NOVA1: variants seen among roughly 807,000 people sequenced by gnomAD.
NOVA1 encodes the protein NOVA alternative splicing regulator 1.
In NOVA1, 7 loss-of-function variants were observed where a neutral mutation model predicts 38.0. The ratio of observed to expected loss-of-function variants is 0.18; its 90% CI spans 0.10 to 0.35. The LOEUF (loss-of-function observed/expected upper bound fraction) is 0.35, where lower values mean the gene tolerates loss of function less well. NOVA1 is among the 10% of genes least tolerant of loss of function. The pLI, the probability that NOVA1 is intolerant of heterozygous loss-of-function variation, is 1.00. For missense variants in NOVA1, 460 were observed against 616.0 expected, an observed-to-expected ratio of 0.75 and a Z score of 2.68; for synonymous variants, 270 against 232.5, an observed-to-expected ratio of 1.16 and a Z score of -1.47.
intron 2 of NOVA1, among the ~76,000 whole-genome samples, chr14:26,507,968 A>T (rs78901848): frequency 6.6e-6 from 1 of 152,112 alleles, no homozygotes; most frequent in Admixed American, 6.5e-5. Context: ...CATAAGAGTT[A>T]TATCAATAGA....
chr14:26,502,606 G>GAAA (rs35977485), intron 2 of NOVA1, among the ~76,000 whole-genome samples: 16 of 126,572 alleles, frequency 1.3e-4, no homozygotes, highest in Non-Finnish European at 2.4e-4. Context: ...CATGTTTCCA[G>GAAA]AAAAAAAAAA....
intron 2 of NOVA1, among the ~76,000 whole-genome samples, chr14:26,481,346 T>C (rs8009255): frequency 0.2 from 30,936 of 152,006 alleles, 3,364 homozygotes; most frequent in East Asian, 0.33. Flanking sequence ...AAGGACAAAT[T>C]TGTGAAACTA....
At chr14:26,532,315 A>C (rs1889773186) in intron 2 of NOVA1, among the ~76,000 whole-genome samples, 1 of 152,258 alleles carries the variant, frequency 6.6e-6, no homozygotes, top group East Asian at 1.9e-4. Context: ...TAAACTGTGT[A>C]TACACACACC....
chr14:26,587,118 C>G (rs12587726), intron 2 of NOVA1, among the ~76,000 whole-genome samples: 87,140 of 150,286 alleles, frequency 0.58, 30,412 homozygotes, highest in Non-Finnish European at 0.75. Context: ...AGAAACCTTA[C>G]GTAAATCACT....
intron 4 of NOVA1, among the ~76,000 whole-genome samples, chr14:26,470,752 A>G (rs1408709592): frequency 6.6e-6 from 1 of 152,082 alleles, no homozygotes; most frequent in Non-Finnish European, 1.5e-5. Context: ...TTTAGCTTCA[A>G]AGGCAAAATT....
At chr14:26,499,057 C>T (rs561142981) in intron 2 of NOVA1, among the ~76,000 whole-genome samples, 3 of 152,050 alleles carry the variant, frequency 2.0e-5, no homozygotes, top group African/African-American at 7.2e-5. Context: ...TACATGAGGG[C>T]AAATGATACA....
intron 2 of NOVA1, among the ~76,000 whole-genome samples, chr14:26,534,666 C>T (rs1202856852): frequency 3.3e-5 from 5 of 152,104 alleles, no homozygotes; most frequent in Admixed American, 3.3e-4. Context: ...ACATAATACA[C>T]ACACCCTAAT....
intron 4 of NOVA1, among the ~76,000 whole-genome samples, chr14:26,458,710 G>C (rs920775489): frequency 6.6e-6 from 1 of 151,872 alleles, no homozygotes; most frequent in Non-Finnish European, 1.5e-5. Flanking sequence ...ACTACCTATC[G>C]GGCACTATGC....
At chr14:26,501,387 C>A (rs178194) in intron 2 of NOVA1, among the ~76,000 whole-genome samples, 145,658 of 151,940 alleles carry the variant, frequency 0.96, 70,111 homozygotes, top group East Asian at 1. Flanking sequence ...ATTCGACTGC[C>A]TATGAACACA....
At chr14:26,563,680 G>C (rs1220275654) in intron 2 of NOVA1, among the ~76,000 whole-genome samples, 2 of 151,976 alleles carry the variant, frequency 1.3e-5, no homozygotes, top group African/African-American at 4.8e-5. Flanking sequence ...AACTATGCAA[G>C]CTTCTATGAC....
intron 2 of NOVA1, among the ~76,000 whole-genome samples, chr14:26,482,087 G>A (rs57531288): frequency 6.8e-6 from 1 of 148,144 alleles, no homozygotes; most frequent in Non-Finnish European, 1.5e-5. Context: ...AACCATGTCA[G>A]ACCACACAGT....
chr14:26,503,781 T>A (rs61986470), intron 2 of NOVA1, among the ~76,000 whole-genome samples: 6,363 of 152,094 alleles, frequency 0.042, 198 homozygotes, highest in South Asian at 0.099. Context: ...TTCATCATGA[T>A]AAACCAAAAT....
intron 3 of NOVA1, chr14:26,479,739 A>T: frequency 2.5e-6 from 1 of 407,550 alleles, no homozygotes. Flanking sequence ...AATCACTAAG[A>T]GTCACATAAG....
intron 4 of NOVA1, among the ~76,000 whole-genome samples, chr14:26,462,724 T>C (rs1305159175): frequency 6.6e-6 from 1 of 152,186 alleles, no homozygotes; most frequent in Non-Finnish European, 1.5e-5. Context: ...GTGAGTCTTC[T>C]TGACCTCAAT....
chr14:26,487,332 T>G (rs1885997511), intron 2 of NOVA1, among the ~76,000 whole-genome samples: 1 of 152,180 alleles, frequency 6.6e-6, no homozygotes, highest in Non-Finnish European at 1.5e-5. Context: ...AATTTAACAA[T>G]ATGCATCTCA....
intron 2 of NOVA1, among the ~76,000 whole-genome samples, chr14:26,544,573 A>G (rs1395213682): frequency 1.3e-5 from 2 of 152,094 alleles, no homozygotes; most frequent in Non-Finnish European, 2.9e-5. Flanking sequence ...GTTGATGTAG[A>G]AAAGACATTT....
chr14:26,544,832 T>G (rs1256830448), intron 2 of NOVA1, among the ~76,000 whole-genome samples: 1 of 151,650 alleles, frequency 6.6e-6, no homozygotes, highest in African/African-American at 2.4e-5. Flanking sequence ...TGGAACTGCA[T>G]GTAAAGTGAC....
chr14:26,563,065 A>G (rs946696161), intron 2 of NOVA1, among the ~76,000 whole-genome samples: 11 of 152,144 alleles, frequency 7.2e-5, no homozygotes, highest in African/African-American at 2.7e-4. Context: ...ACACTAATGA[A>G]GCTATCTAAG....
intron 4 of NOVA1, among the ~76,000 whole-genome samples, chr14:26,449,577 T>A (rs1254539247): frequency 6.6e-6 from 1 of 152,148 alleles, no homozygotes; most frequent in South Asian, 2.1e-4. Flanking sequence ...AACTCACATA[T>A]GAAATATAAC....
Sources: allele counts gnomAD v4.1 joint callset (sites outside exome capture counted in the v4.1 genomes callset), GRCh38; gene constraint gnomAD v4.1.1; transcripts MANE v1.5; gene names NCBI Gene and HGNC (gene_info 2026-07-23, HGNC 2026-07-21).